The following ESRRB variants were observed in gnomAD, a reference collection of about 807,000 sequenced individuals.
ESRRB encodes estrogen related receptor beta.
A neutral mutation model predicts 46.0 loss-of-function variants in ESRRB; 16 were observed. The ratio of observed to expected loss-of-function variants is 0.35; its 90% confidence interval spans 0.24 to 0.53. The LOEUF (loss-of-function observed/expected upper bound fraction) is 0.53. Among genes scored for constraint, ESRRB ranks in the 20% least tolerant of loss-of-function variants. The pLI, the probability that ESRRB is intolerant of heterozygous loss-of-function variation, is 0.93. For missense variants in ESRRB, 488 were observed against 607.4 expected (o/e 0.80, Z 2.07); for synonymous variants, 246 against 259.6 (o/e 0.95, Z 0.50).
rs1157538577 is a variant in ESRRB, at chr14:76,498,434, G to A, written c.1341G>A (p.Leu447=). 1 of 1,613,418 alleles carries A rather than the reference G, an allele frequency of 6.2e-7. No homozygotes were observed. Among genetic ancestry groups the A allele is most frequent in the Admixed American group, 1.7e-5 (1 of 60,032 alleles). ...AAGTGCCCATGCACAAACTCTTCCT[G>A]GAGATGCTGGAGGCCAAGGTGTGAT... ...QGKVPMHKLF[L]EMLEAKV is the part of the protein sequence containing the mutation. The change falls in exon 7 of 7, where the codon CTG becomes CTA. Residue 447 remains leucine, a synonymous_variant. Transcript: ENST00000644823.
chr14:76,358,165 A>G (rs1410246586), intron 1 of ESRRB, among the ~76,000 whole-genome samples: 1 of 151,772 alleles, frequency 6.6e-6, no homozygotes, highest in Non-Finnish European at 1.5e-5. Context: ...TACAAAAATT[A>G]TCCAGGCGTG....
chr14:76,412,404 T>A (rs1437992574), intron 1 of ESRRB, among the ~76,000 whole-genome samples: 1 of 152,230 alleles, frequency 6.6e-6, no homozygotes, highest in Non-Finnish European at 1.5e-5. Context: ...GGTTTCAGTC[T>A]TGTGGGAACC....
At chr14:76,315,465 G>A (rs892205154) in intron 1 of ESRRB, among the ~76,000 whole-genome samples, 1 of 152,134 alleles carries the variant, frequency 6.6e-6, no homozygotes, top group African/African-American at 2.4e-5. Context: ...AAATCCTGGC[G>A]CTCACCTTTC....
At chr14:76,453,030 A>G (rs1167442002) in intron 2 of ESRRB, among the ~76,000 whole-genome samples, 2 of 152,158 alleles carry the variant, frequency 1.3e-5, no homozygotes, top group African/African-American at 2.4e-5. Context: ...TAGAAATGCA[A>G]ATTTTGGGCC....
intron 1 of ESRRB, among the ~76,000 whole-genome samples, chr14:76,359,098 G>A (rs999797010): frequency 1.3e-5 from 2 of 152,184 alleles, no homozygotes. Context: ...GAGAAACATC[G>A]CCACATGTTC....
At chr14:76,351,056 T>C (rs1884307855) in intron 1 of ESRRB, among the ~76,000 whole-genome samples, 1 of 152,150 alleles carries the variant, frequency 6.6e-6, no homozygotes, top group Non-Finnish European at 1.5e-5. Flanking sequence ...TGGGGGTAGA[T>C]GTCATTGAGG....
intron 1 of ESRRB, among the ~76,000 whole-genome samples, chr14:76,425,971 G>A (rs1198886614): frequency 2.0e-5 from 3 of 152,204 alleles, no homozygotes; most frequent in Non-Finnish European, 4.4e-5. Context: ...GTTTCTCATA[G>A]CACTCACCAC....
intron 1 of ESRRB, among the ~76,000 whole-genome samples, chr14:76,389,320 A>G (rs961309057): frequency 3.3e-5 from 5 of 152,112 alleles, no homozygotes; most frequent in African/African-American, 9.7e-5. Context: ...CTGGTTTACA[A>G]TCTGTTGGAT....
At chr14:76,425,686 A>G (rs1161850987) in intron 1 of ESRRB, among the ~76,000 whole-genome samples, 1 of 152,052 alleles carries the variant, frequency 6.6e-6, no homozygotes, top group Non-Finnish European at 1.5e-5. Context: ...CCCCTGACCC[A>G]CCACGCTGTG....
rs888772182 is a variant in ESRRB at position 76,500,251 on chromosome 14, G to A, written c.*1793G>A. On this transcript the variant is annotated 3_prime_UTR_variant, in exon 7 of 7. Transcript: ENST00000644823. ...TGGTGTCCCACACAGAAAATGTTAA[G>A]GATTTCAAGAGCCCTCCCAGACCAG... is the stretch of plus-strand genomic sequence containing the variant. 12 of 613,790 alleles carry A rather than the reference G, an allele frequency of 2.0e-5. No homozygotes were observed. The highest frequency in any genetic ancestry group is 2.9e-5 in the Non-Finnish European group (10 of 349,534). The allele number at this position is 613,790 out of a possible 1,614,324, so 38.0% of individuals were successfully genotyped here. A position where few individuals can be genotyped will look rare whatever the true frequency, so the allele number is the denominator to read the frequency against.
chr14:76,398,275 G>A (rs1207840324), intron 1 of ESRRB, among the ~76,000 whole-genome samples: 2 of 152,172 alleles, frequency 1.3e-5, no homozygotes, highest in African/African-American at 4.8e-5. Flanking sequence ...CAGAGAGGTT[G>A]AGTAGCACCC....
At chr14:76,423,805 G>A (rs1887079132) in intron 1 of ESRRB, among the ~76,000 whole-genome samples, 1 of 152,154 alleles carries the variant, frequency 6.6e-6, no homozygotes, top group South Asian at 2.1e-4. Context: ...ATCATATACG[G>A]GGAGCAAAGA....
At chr14:76,368,163 C>T (rs1400494876), upstream of ESRRB, among the ~76,000 whole-genome samples, 22 of 133,012 alleles carry the variant, frequency 1.7e-4, no homozygotes, top group Admixed American at 2.5e-4. Context: ...TTAGTAGAGA[C>T]GGGGTTTCAC....
At chr14:76,319,480 A>G (rs1186653163) in intron 1 of ESRRB, among the ~76,000 whole-genome samples, 3 of 151,756 alleles carry the variant, frequency 2.0e-5, no homozygotes, top group African/African-American at 7.2e-5. Flanking sequence ...GTGGTCAGCC[A>G]TCCATGACTC....
intron 5 of ESRRB, among the ~76,000 whole-genome samples, chr14:76,484,962 C>A (rs7154927): frequency 1.7e-3 from 261 of 152,190 alleles, no homozygotes; most frequent in African/African-American, 5.9e-3. Flanking sequence ...CGCTTACCAG[C>A]GCTGTTGTAG....
At chr14:76,474,397 T>C (rs1228006478) in intron 3 of ESRRB, among the ~76,000 whole-genome samples, 4 of 152,250 alleles carry the variant, frequency 2.6e-5, no homozygotes, top group African/African-American at 7.2e-5. Context: ...AACAGCTTTA[T>C]TGAAATATAG....
In ESRRB at chr14:76,318,603, CCTCA is replaced by C. The variant is rs1381284709; in HGVS notation, c.2+7688_2+7691del. ...AGCCTCTCCACTTCACACTCAGTTTCCTCATCTGTAAAATATGGGTTATAAGAAC... is the reference window on the plus strand; with the variant it reads ...AGCCTCTCCACTTCACACTCAGTTTCTCTGTAAAATATGGGTTATAAGAAC... On this transcript the variant is annotated intron_variant, in intron 1 of 6. Transcript: ENST00000512784. Among the ~76,000 whole-genome samples, 487 of 152,292 alleles carry C rather than the reference CCTCA, an allele frequency of 3.2e-3. 4 individuals are homozygous for C. The highest frequency in any genetic ancestry group is 0.011 in the African/African-American group (445 of 41,552).
intron 1 of ESRRB, among the ~76,000 whole-genome samples, chr14:76,421,893 A>G (rs1026885293): frequency 9.2e-5 from 14 of 152,238 alleles, no homozygotes; most frequent in African/African-American, 2.9e-4. Flanking sequence ...CTCTTCAGCC[A>G]GTGGCAGGGC....
intron 5 of ESRRB, among the ~76,000 whole-genome samples, chr14:76,487,673 G>A (rs1482033801): frequency 2.0e-5 from 3 of 151,780 alleles, no homozygotes; most frequent in Admixed American, 1.3e-4. Context: ...GCATGATCTT[G>A]GCTCACTGGA....
Sources: gnomAD v4.1 joint callset for allele counts (sites outside exome capture counted in the v4.1 genomes callset) on GRCh38, gnomAD v4.1.1 for gene constraint, MANE v1.5 for transcripts, NCBI Gene and HGNC (gene_info 2026-07-23, HGNC 2026-07-21) for gene names.